RBFOX1: variants seen among roughly 807,000 people sequenced by gnomAD.
RBFOX1 encodes RNA binding fox-1 homolog 1.
RBFOX1 carries 8 observed loss-of-function variants against 57.7 expected under a neutral mutation model. The observed-to-expected ratio is 0.14, with a 90% CI of 0.08 to 0.25. The LOEUF (loss-of-function observed/expected upper bound fraction) is 0.25. RBFOX1 is among the 10% of genes least tolerant of loss of function. The probability of loss-of-function intolerance (pLI) is 1.00; values close to 1 mark genes in which losing one functional copy is unlikely to be tolerated. For synonymous variants in RBFOX1, 326 were observed against 222.4 expected (o/e 1.47, Z -4.15); for missense variants, 611 against 548.5 (o/e 1.11, Z -1.14).
intron 1 of RBFOX1, among the ~76,000 whole-genome samples, chr16:6,269,043 C>T (rs985515162): frequency 1.9e-4 from 29 of 152,166 alleles, no homozygotes; most frequent in African/African-American, 6.5e-4. Flanking sequence ...ATCTGATATA[C>T]TTTAAAACAT....
chr16:6,117,879 C>G (rs565516684), intron 1 of RBFOX1, among the ~76,000 whole-genome samples: 6 of 152,252 alleles, frequency 3.9e-5, no homozygotes, highest in African/African-American at 1.2e-4. Context: ...AGTTTCCTTC[C>G]CACCACCATG....
At chr16:7,396,347 C>G (rs547439854) in intron 4 of RBFOX1, among the ~76,000 whole-genome samples, 3 of 152,090 alleles carry the variant, frequency 2.0e-5, no homozygotes, top group African/African-American at 7.2e-5. Context: ...CAGTTACAAG[C>G]GGATTCAAAT....
intron 1 of RBFOX1, among the ~76,000 whole-genome samples, chr16:6,108,364 T>A (rs572490378): frequency 3.0e-4 from 46 of 152,194 alleles, no homozygotes; most frequent in Non-Finnish European, 5.1e-4. Flanking sequence ...TTCTGTGAAA[T>A]AGAGATACTA....
intron 3 of RBFOX1, among the ~76,000 whole-genome samples, chr16:6,811,756 G>C (rs993295413): frequency 6.6e-5 from 10 of 152,170 alleles, no homozygotes; most frequent in Non-Finnish European, 7.3e-5. Context: ...GGGCGTGGTA[G>C]TGCACGCCTG....
At chr16:7,262,797 ATTCTTT>A (rs924373954) in intron 4 of RBFOX1, among the ~76,000 whole-genome samples, 2 of 152,254 alleles carry the variant, frequency 1.3e-5, no homozygotes, top group Non-Finnish European at 2.9e-5. Flanking sequence ...CAGGAATCCA[ATTCTTT>A]TTCTAAGTTA....
chr16:7,407,821 T>G (rs2098372443), intron 4 of RBFOX1, among the ~76,000 whole-genome samples: 1 of 152,090 alleles, frequency 6.6e-6, no homozygotes, highest in Non-Finnish European at 1.5e-5. Flanking sequence ...CATATTTCAC[T>G]GGGGGTGGGA....
intron 3 of RBFOX1, among the ~76,000 whole-genome samples, chr16:5,706,865 G>A (rs572483439): frequency 6.6e-6 from 1 of 152,172 alleles, no homozygotes; most frequent in South Asian, 2.1e-4. Context: ...TGGTGTAGGA[G>A]GATACAGGAT....
At chr16:7,430,697 C>T (rs894479874) in intron 4 of RBFOX1, among the ~76,000 whole-genome samples, 6 of 150,386 alleles carry the variant, frequency 4.0e-5, no homozygotes, top group Non-Finnish European at 7.4e-5. Context: ...TTCTGTGTTT[C>T]ATCAAGAGTT....
chr16:6,917,596 G>A (rs187100972), intron 3 of RBFOX1, among the ~76,000 whole-genome samples: 1 of 151,734 alleles, frequency 6.6e-6, no homozygotes, highest in Non-Finnish European at 1.5e-5. Flanking sequence ...AGGAAGCTCT[G>A]ACACCGGCTC....
intron 13 of RBFOX1, chr16:7,671,685 G>A (rs2071490400): frequency 8.1e-7 from 1 of 1,238,410 alleles, no homozygotes. Context: ...ATTCTGGGGA[G>A]GGGAACAGTT....
At chr16:6,472,944 C>G (rs554770944) in intron 2 of RBFOX1, among the ~76,000 whole-genome samples, 4 of 152,104 alleles carry the variant, frequency 2.6e-5, no homozygotes, top group Admixed American at 2.6e-4. Flanking sequence ...ATTTAGGACC[C>G]TCAAGGAAGA....
intron 1 of RBFOX1, among the ~76,000 whole-genome samples, chr16:6,195,180 A>G (rs1353081209): frequency 6.6e-6 from 1 of 152,192 alleles, no homozygotes. Context: ...TTCCTTTATA[A>G]AATGCCTTCT....
At chr16:7,087,682 C>G (rs1372601092) in intron 4 of RBFOX1, among the ~76,000 whole-genome samples, 2 of 152,082 alleles carry the variant, frequency 1.3e-5, no homozygotes, top group Non-Finnish European at 2.9e-5. Context: ...AACTCATAAA[C>G]AAGCACACCA....
rs538293909 is a variant in RBFOX1, at chr16:5,915,586, C to G, written c.351+48251C>G. ...GTGGCTCATGCCTCTAATCCCAGCA[C>G]TTTGGGAGGTCAAGGTGGGCAGATC... On this transcript the variant is annotated intron_variant, in intron 4 of 19. Transcript: ENST00000641259. Among the ~76,000 whole-genome samples, 5 of 152,216 alleles carry G rather than the reference C, an allele frequency of 3.3e-5. No individual in the cohort carries two copies. The South Asian group carries it at 1.0e-3, about 32-fold the overall frequency.
At chr16:6,599,456 A>G (rs1387683716) in intron 2 of RBFOX1, among the ~76,000 whole-genome samples, 1 of 152,172 alleles carries the variant, frequency 6.6e-6, no homozygotes, top group African/African-American at 2.4e-5. Context: ...AAGAATAACA[A>G]GGACGCTTCA....
chr16:7,209,494 G>A (rs573035354), intron 4 of RBFOX1, among the ~76,000 whole-genome samples: 7 of 152,184 alleles, frequency 4.6e-5, no homozygotes, highest in African/African-American at 1.7e-4. Flanking sequence ...CTTGCAGTTG[G>A]CTCCTGCCAG....
intron 3 of RBFOX1, among the ~76,000 whole-genome samples, chr16:7,004,339 C>T (rs566948765): frequency 1.3e-5 from 2 of 152,122 alleles, no homozygotes; most frequent in African/African-American, 4.8e-5. Context: ...TTAAACTCCT[C>T]AACATCAGGG....
intron 4 of RBFOX1, among the ~76,000 whole-genome samples, chr16:7,342,202 A>G (rs763151894): frequency 6.6e-6 from 1 of 152,102 alleles, no homozygotes; most frequent in Non-Finnish European, 1.5e-5. Context: ...CTGAACCTCC[A>G]CTTCCTCATC....
chr16:6,345,164 C>T (rs988265595), intron 2 of RBFOX1, among the ~76,000 whole-genome samples: 3 of 152,178 alleles, frequency 2.0e-5, no homozygotes, highest in African/African-American at 7.2e-5. Context: ...GCTCCTGCTG[C>T]AGAGTAGATG....
Sources: allele counts gnomAD v4.1 joint callset (sites outside exome capture counted in the v4.1 genomes callset), GRCh38; gene constraint gnomAD v4.1.1; transcripts MANE v1.5; gene names NCBI Gene and HGNC (gene_info 2026-07-23, HGNC 2026-07-21).